The following UGGT2 variants were observed in gnomAD, a reference collection of about 807,000 sequenced individuals.
UGGT2 encodes the protein UDP-glucose glycoprotein glucosyltransferase 2.
In UGGT2, 180 loss-of-function variants were observed where a neutral mutation model predicts 192.1. The ratio of observed to expected loss-of-function variants is 0.94; its 90% CI spans 0.83 to 1.06. The LOEUF (loss-of-function observed/expected upper bound fraction) is 1.06. Ranked by LOEUF, UGGT2 falls within the 50% of genes least tolerant of loss-of-function variation. The pLI, the probability that UGGT2 is intolerant of heterozygous loss-of-function variation, is 0.00. For synonymous variants in UGGT2, 580 were observed against 591.0 expected (o/e 0.98, Z 0.27); for missense variants, 1,849 against 1,795.7 (o/e 1.03, Z -0.54).
chr13:95,978,285 C>G (rs1012275077), intron 10 of UGGT2, among the ~76,000 whole-genome samples: 3 of 152,090 alleles, frequency 2.0e-5, no homozygotes, highest in Non-Finnish European at 4.4e-5. Flanking sequence ...ATTTCCCTGA[C>G]GATTAGTGAT....
chr13:95,810,195 G>A (rs1884512047), intron 38 of UGGT2, among the ~76,000 whole-genome samples: 2 of 152,074 alleles, frequency 1.3e-5, no homozygotes, highest in African/African-American at 2.4e-5. Flanking sequence ...CATCACCAGT[G>A]ATAATCCATG....
intron 2 of UGGT2, among the ~76,000 whole-genome samples, chr13:96,029,900 T>C (rs77894584): frequency 0.013 from 1,955 of 152,348 alleles, 41 homozygotes; most frequent in African/African-American, 0.045. Context: ...TTGAGGATTT[T>C]AGGTGAGAGA....
In UGGT2 at chr13:96,032,049, C is replaced by T; in HGVS notation, c.159-78G>A. 5.3e-6 allele frequency: 5 copies of T among 949,946 alleles called. No homozygotes were observed. In the South Asian group the frequency reaches 8.8e-5, roughly 17 times the overall value. 58.8% of individuals were successfully genotyped at this position (949,946 alleles called of 1,614,324 possible). ...GATACTATAAACTGTACTCAAGAAC[C>T]AAATTATATCTATGGCAAAAACAAA... On this transcript the variant is annotated intron_variant, in intron 1 of 38. Coordinates refer to ENST00000376747, the MANE Select transcript of UGGT2 (RefSeq NM_020121.4).
At chr13:96,003,623 C>T (rs1351539540) in intron 5 of UGGT2, among the ~76,000 whole-genome samples, 1 of 152,088 alleles carries the variant, frequency 6.6e-6, no homozygotes, top group Admixed American at 6.5e-5. Flanking sequence ...GGACCCTAAG[C>T]CATCATGATG....
Position 95,925,726 on chromosome 13 carries a change from T to A in UGGT2, c.2249A>T (p.Asp750Val). The A allele has an allele frequency of 6.3e-7, 1 of 1,582,166 alleles. No homozygotes were observed. Among genetic ancestry groups the A allele is most frequent in the Middle Eastern group, 1.7e-4 (1 of 5,896 alleles). The change falls in exon 20 of 39, where the codon GAT becomes GTT. Residue 750 changes from aspartate (D) to valine (V), a missense_variant. Physicochemically the swap from Asp to Val is radical, Grantham distance 152. Coordinates refer to ENST00000376747, the MANE Select transcript of UGGT2 (RefSeq NM_020121.4). The stretch of plus-strand genomic sequence containing the variant: ...AAGAAGTTTTCTCCCAGAAGGCTTA[T>A]CAAAATCTGCAATAATCCAGAGAGT... ...AVTLWIIADF[D>V]KPSGRKLLFN...
chr13:95,997,053 C>G (rs1039201807), intron 6 of UGGT2, among the ~76,000 whole-genome samples: 1 of 152,150 alleles, frequency 6.6e-6, no homozygotes, highest in Non-Finnish European at 1.5e-5. Flanking sequence ...TACGCTTACT[C>G]TTTCTTACTT....
chr13:96,032,123 C>T (rs982038582), intron 1 of UGGT2, 152 bp from the exon 2 acceptor site: 46 of 525,712 alleles, frequency 8.8e-5, no homozygotes, highest in Middle Eastern at 5.1e-4. Context: ...TACTATAACA[C>T]TGGAAAAAAA....
chr13:95,857,549 T>C (rs997846698), intron 33 of UGGT2, among the ~76,000 whole-genome samples: 1 of 152,144 alleles, frequency 6.6e-6, no homozygotes, highest in African/African-American at 2.4e-5. Flanking sequence ...GAGAGGAGGT[T>C]TGACTTTTCT....
rs145370964 is a variant in UGGT2 at position 96,034,250 on chromosome 13, G to A, written c.159-2279C>T. Among the ~76,000 whole-genome samples the A allele has an allele frequency of 1.6e-4, 24 of 152,232 alleles. No homozygotes were observed. The East Asian group carries it at 2.9e-3, about 18-fold the overall frequency. On this transcript the variant is annotated intron_variant, in intron 1 of 38. Coordinates refer to ENST00000376747, the MANE Select transcript of UGGT2 (RefSeq NM_020121.4). ...CCATTTCTCCTCTCAGCTGAGGGCT[G>A]CAGACTCAACAGAATGACCTGCCTG...
chr13:95,913,526 C>T (rs555992157), intron 20 of UGGT2, among the ~76,000 whole-genome samples: 3 of 152,250 alleles, frequency 2.0e-5, no homozygotes, highest in East Asian at 3.9e-4. Context: ...CAAATCAAAA[C>T]CACAATGAGA....
chr13:96,016,894 G>T (rs1480023290), intron 4 of UGGT2, among the ~76,000 whole-genome samples: 1 of 152,186 alleles, frequency 6.6e-6, no homozygotes, highest in Non-Finnish European at 1.5e-5. Flanking sequence ...CAGCCACGTG[G>T]GTTGTATCCT....
chr13:95,908,284 G>T (rs1480489183), intron 20 of UGGT2, among the ~76,000 whole-genome samples: 1 of 152,198 alleles, frequency 6.6e-6, no homozygotes, highest in Non-Finnish European at 1.5e-5. Flanking sequence ...TGGTGTACCT[G>T]AAAGTGATGG....
At chr13:96,022,608 A>G (rs2052546731) in intron 4 of UGGT2, among the ~76,000 whole-genome samples, 1 of 151,890 alleles carries the variant, frequency 6.6e-6, no homozygotes, top group African/African-American at 2.4e-5. Flanking sequence ...TCACTAATAA[A>G]TTAATAATTT....
chr13:95,983,809 G>A lies in UGGT2; in HGVS notation c.1087C>T (p.Gln363Ter). 2 of 1,557,312 alleles carry A rather than the reference G, an allele frequency of 1.3e-6. No individual in the cohort carries two copies. The highest frequency in any genetic ancestry group is 2.4e-5 in the South Asian group (2 of 82,966). Reference sequence around the variant, plus strand: ...AAAAAGGAATTCAAACAAACCTTTTGATTTTCCTTTATTTCTTCTCTCATA... The same window carrying A: ...AAAAAGGAATTCAAACAAACCTTTTAATTTTCCTTTATTTCTTCTCTCATA... ...QHMREEIKEN[Q>*]KDLQVRFKIQ... The change falls in exon 10 of 39, where the codon CAA becomes TAA. Residue 363 changes from glutamine (Q) to a stop codon, truncating the protein, a stop_gained. Transcript: ENST00000376747. LOFTEE classifies it high-confidence loss of function.
chr13:96,016,787 G>A (rs2139088582), intron 4 of UGGT2, among the ~76,000 whole-genome samples: 1 of 152,280 alleles, frequency 6.6e-6, no homozygotes, highest in East Asian at 1.9e-4. Context: ...AGTGGAGGGG[G>A]GGCTGCAACC....
intron 1 of UGGT2, among the ~76,000 whole-genome samples, chr13:96,048,264 TA>T (rs763947819): frequency 2.6e-5 from 4 of 152,138 alleles, no homozygotes; most frequent in Non-Finnish European, 5.9e-5. Context: ...AAGGCAGAAA[TA>T]AAGCTGTTCT....
intron 36 of UGGT2, among the ~76,000 whole-genome samples, chr13:95,845,916 G>A (rs1055012040): frequency 2.0e-5 from 3 of 151,940 alleles, no homozygotes; most frequent in Admixed American, 6.6e-5. Flanking sequence ...TGAGGGCCGG[G>A]GAGAGGGACT....
intron 5 of UGGT2, among the ~76,000 whole-genome samples, chr13:96,000,586 C>T (rs1180347747): frequency 6.6e-6 from 1 of 152,130 alleles, no homozygotes; most frequent in Non-Finnish European, 1.5e-5. Flanking sequence ...TTTAAAACTA[C>T]ATTTTGAATA....
intron 30 of UGGT2, among the ~76,000 whole-genome samples, chr13:95,864,329 T>C (rs557896104): frequency 2.2e-4 from 33 of 152,198 alleles, no homozygotes; most frequent in Admixed American, 1.6e-3. Context: ...TCAGTAGACA[T>C]AATTGTTGCA....
Sources: allele counts gnomAD v4.1 joint callset (sites outside exome capture counted in the v4.1 genomes callset), GRCh38; gene constraint gnomAD v4.1.1; transcripts MANE v1.5; gene names NCBI Gene and HGNC (gene_info 2026-07-23, HGNC 2026-07-21).